RECQL5: variants seen among roughly 807,000 people sequenced by gnomAD.
RECQL5 encodes the protein RecQ like helicase 5.
In RECQL5, 88 loss-of-function variants were observed where a neutral mutation model predicts 103.4. The observed-to-expected ratio is 0.85, with a 90% CI of 0.72 to 1.02. RECQL5 has a LOEUF of 1.02. Ranked by LOEUF, RECQL5 falls within the 50% of genes least tolerant of loss-of-function variation. RECQL5 has a pLI of 0.00. For synonymous variants in RECQL5, 552 were observed against 507.9 expected (o/e 1.09, Z -1.17); for missense variants, 1,232 against 1,284.3 (o/e 0.96, Z 0.62).
chr17:75,663,782 C>T (rs2059729918), intron 3 of RECQL5, among the ~76,000 whole-genome samples: 1 of 152,050 alleles, frequency 6.6e-6, no homozygotes, highest in South Asian at 2.1e-4. Flanking sequence ...AAGCCGGGCG[C>T]GGTGGCTCAC....
intron 7 of RECQL5, among the ~76,000 whole-genome samples, chr17:75,655,895 T>C (rs1362930467): frequency 1.3e-5 from 2 of 151,680 alleles, no homozygotes; most frequent in Non-Finnish European, 2.9e-5. Flanking sequence ...TTGGGCCGGA[T>C]GGTCCTGAAC....
In RECQL5 at chr17:75,630,849, G is replaced by T. The variant is rs562186253; in HGVS notation, c.1586-12C>A. ...GGGACAGTTCTCATCTGTGGGGGGG[G>T]GGGGTGGTCCTTGGTCCTTTCGCTC... On this transcript the variant is annotated splice_polypyrimidine_tract_variant and intron_variant, in intron 11 of 19. Coordinates refer to ENST00000317905, the MANE Select transcript of RECQL5 (RefSeq NM_004259.7). 8.2e-6 allele frequency: 12 copies of T among 1,457,826 alleles called. No individual in the cohort carries two copies. The highest frequency in any genetic ancestry group is 1.8e-4 in the Middle Eastern group (1 of 5,546). The allele number at this position is 1,457,826 out of a possible 1,614,324, so 90.3% of individuals were successfully genotyped here.
chr17:75,665,424 G>C (rs2059756530), intron 2 of RECQL5, among the ~76,000 whole-genome samples: 1 of 152,184 alleles, frequency 6.6e-6, no homozygotes, highest in African/African-American at 2.4e-5. Context: ...AAGCGCAGTG[G>C]CTCACGCCTG....
At chr17:75,631,071 A>C in intron 10 of RECQL5, 61 bp from the exon 11 acceptor site, 1 of 1,611,278 alleles carries the variant, frequency 6.2e-7, no homozygotes, top group Non-Finnish European at 8.5e-7. Flanking sequence ...AGTCCCATCC[A>C]GCACCAGAGA....
At chr17:75,627,574 T>C (rs2059119638) in intron 19 of RECQL5, 49 bp downstream of exon 19, 2 of 1,612,906 alleles carry the variant, frequency 1.2e-6, no homozygotes, top group African/African-American at 2.7e-5. Flanking sequence ...CTCCTCCCTG[T>C]AGACCACCCT....
rs2059323228 is a variant in RECQL5 at position 75,636,453 on chromosome 17, G to A, written c.1230-4785C>T. 6.6e-6 allele frequency: 1 copy of A among 152,266 alleles called. No homozygotes were observed. Among genetic ancestry groups the A allele is most frequent in the Non-Finnish European group, 1.5e-5 (1 of 68,040 alleles). The allele number at this position is 152,266 out of a possible 1,614,324, so 9.4% of individuals were successfully genotyped here. ...TCCTGCCAAACCTAGGAAGGGAAAG[G>A]GGAGGAGAGGTGGCCAGCCTCAGAG... On this transcript the variant is annotated intron_variant, in intron 8 of 19. Coordinates refer to ENST00000317905, the MANE Select transcript of RECQL5 (RefSeq NM_004259.7). This position sits in a 1 kb window ranked among gnomAD's most constrained non-coding sequence, Gnocchi z 5.4.
intron 8 of RECQL5, among the ~76,000 whole-genome samples, chr17:75,644,198 G>A (rs187137371): frequency 3.3e-5 from 5 of 152,130 alleles, no homozygotes; most frequent in Admixed American, 2.6e-4. Context: ...CCAGCTACTC[G>A]GGAGGCTGAA....
rs371662655 is a variant in RECQL5 at position 75,630,705 on chromosome 17, A to G, written c.1645-13T>C. 4 of 1,612,832 alleles carry G rather than the reference A, an allele frequency of 2.5e-6. No homozygotes were observed. The African/African-American group carries it at 5.3e-5, about 22-fold the overall frequency. ...AGTGCTCCCGTGCCTGGCACAGGAC[A>G]GTGAGACTGGTCGCATGGCCTCGCG... On this transcript the variant is annotated splice_polypyrimidine_tract_variant and intron_variant, in intron 12 of 19. Coordinates refer to ENST00000317905, the MANE Select transcript of RECQL5 (RefSeq NM_004259.7).
chr17:75,650,689 AGACT>A, intron 8 of RECQL5: 2 of 1,614,052 alleles, frequency 1.2e-6, no homozygotes, highest in South Asian at 2.2e-5. Context: ...AGCAGCCCTC[AGACT>A]CTTTCCGTGG....
At chr17:75,643,381 G>T (rs890724577) in intron 8 of RECQL5, among the ~76,000 whole-genome samples, 3 of 152,354 alleles carry the variant, frequency 2.0e-5, no homozygotes, top group Admixed American at 1.3e-4. Context: ...CAGGCCGAAT[G>T]GCCGCTCTAG....
intron 7 of RECQL5, among the ~76,000 whole-genome samples, chr17:75,652,235 T>TAATAA (rs1221073869): frequency 6.6e-6 from 1 of 151,272 alleles, no homozygotes; most frequent in African/African-American, 2.4e-5. Flanking sequence ...TCAAATAAAA[T>TAATAA]AATAAAATAA....
In RECQL5 at chr17:75,661,724, C is replaced by T. The variant is rs370612761; in HGVS notation, c.772-16G>A. 1.4e-5 allele frequency: 22 copies of T among 1,594,532 alleles called. No individual in the cohort carries two copies. The highest frequency in any genetic ancestry group is 8.3e-5 in the Admixed American group (5 of 59,918). On this transcript the variant is annotated splice_polypyrimidine_tract_variant and intron_variant, in intron 4 of 19. Transcript: ENST00000317905. ...AGCCAGATAACTGAATGGGGAGATG[C>T]AGGAAGAAAATAAGCATAGCAAGAA...
Position 75,640,752 on chromosome 17 carries a change from C to A in RECQL5, c.1230-9084G>T. ...GGAGGAGGGTGGGCATCCTTTCTCT[C>A]CCCCAACCTGAGTCCCGTGCTCTCT... On this transcript the variant is annotated intron_variant, in intron 8 of 19. Transcript: ENST00000317905. The surrounding 1 kb of genome is among the most constrained non-coding windows in gnomAD (Gnocchi z 4.6). 1 of 1,539,920 alleles carries A rather than the reference C, an allele frequency of 6.5e-7. No homozygotes were observed. Among genetic ancestry groups the A allele is most frequent in the Non-Finnish European group, 8.8e-7 (1 of 1,139,716 alleles).
intron 7 of RECQL5, among the ~76,000 whole-genome samples, chr17:75,652,106 G>C (rs895444583): frequency 3.3e-5 from 5 of 152,112 alleles, no homozygotes; most frequent in Admixed American, 6.5e-5. Flanking sequence ...GCATGTCTGT[G>C]ATCCCAGGTA....
At chr17:75,653,529 T>C (rs941429909) in intron 7 of RECQL5, among the ~76,000 whole-genome samples, 2 of 152,218 alleles carry the variant, frequency 1.3e-5, no homozygotes, top group East Asian at 3.9e-4. Flanking sequence ...TGATTATTCA[T>C]CAGCGGCCTT....
chr17:75,662,038 G>A (rs2059706493), intron 4 of RECQL5, among the ~76,000 whole-genome samples: 1 of 152,208 alleles, frequency 6.6e-6, no homozygotes, highest in Non-Finnish European at 1.5e-5. Flanking sequence ...GCGCATGCCT[G>A]TAATCCCAGC....
intron 17 of RECQL5, 103 bp downstream of exon 17, chr17:75,628,569 G>A: frequency 6.6e-7 from 1 of 1,504,862 alleles, no homozygotes; most frequent in Non-Finnish European, 8.9e-7. Flanking sequence ...GCCAGGTGTG[G>A]AAAGAAAGCT....
chr17:75,633,992 G>C (rs571254892), intron 8 of RECQL5: 2 of 985,486 alleles, frequency 2.0e-6, no homozygotes, highest in Admixed American at 6.1e-5. Flanking sequence ...GGGCTTCCTC[G>C]GGCTCCCCCT....
chr17:75,661,093 G>A (rs752249571), intron 5 of RECQL5, 27 bp from the exon 6 acceptor site: 3 of 1,576,712 alleles, frequency 1.9e-6, no homozygotes, highest in Admixed American at 1.7e-5. Context: ...GATGGAGAAG[G>A]GAACTCACAT....
Sources: allele counts gnomAD v4.1 joint callset (sites outside exome capture counted in the v4.1 genomes callset), GRCh38; gene constraint gnomAD v4.1.1; non-coding constraint Gnocchi (gnomAD v3.1); transcripts MANE v1.5; gene names NCBI Gene and HGNC (gene_info 2026-07-23, HGNC 2026-07-21).